The following SCIN variants were observed in gnomAD, a reference collection of about 807,000 sequenced individuals.
The protein encoded by SCIN is adseverin.
Under a neutral mutation model 91.8 loss-of-function variants are expected in SCIN, and 91 were observed. That is an observed-to-expected ratio of 0.99 (90% CI 0.84 to 1.18). The LOEUF is 1.18. Ranked by LOEUF, SCIN falls within the 50% of genes most tolerant of loss-of-function variation. The pLI is 0.00. For missense variants in SCIN, 1,087 were observed against 863.9 expected, an observed-to-expected ratio of 1.26 and a Z score of -3.24; for synonymous variants, 367 against 312.6, an observed-to-expected ratio of 1.17 and a Z score of -1.84.
At chr7:12,618,142 C>A (rs1374296974) in intron 4 of SCIN, among the ~76,000 whole-genome samples, 1 of 152,098 alleles carries the variant, frequency 6.6e-6, no homozygotes, top group Non-Finnish European at 1.5e-5. Flanking sequence ...CTGTGTCTGG[C>A]ATCCTCAAGA....
intron 3 of SCIN, among the ~76,000 whole-genome samples, chr7:12,594,407 C>T (rs989433669): frequency 8.6e-5 from 13 of 151,942 alleles, no homozygotes; most frequent in African/African-American, 1.5e-4. Flanking sequence ...AGGGTGGTTA[C>T]GGAGAATGAA....
intron 4 of SCIN, among the ~76,000 whole-genome samples, chr7:12,612,589 T>C (rs973150705): frequency 6.6e-6 from 1 of 152,184 alleles, no homozygotes; most frequent in Non-Finnish European, 1.5e-5. Flanking sequence ...CGACGCTCTC[T>C]AGAACACTAG....
In SCIN at chr7:12,599,812, ATCT is replaced by A. The variant is rs754427965; in HGVS notation, c.517-4695_517-4693del. ...TTTCATGTTTGTTGGCCATTTATGT[ATCT>A]TCTTCTCAGAACTGTCTGTTCATGT... On this transcript the variant is annotated intron_variant, in intron 3 of 15. Coordinates refer to ENST00000297029, the MANE Select transcript of SCIN (RefSeq NM_001112706.3). 4.6e-5 allele frequency among the ~76,000 whole-genome samples: 7 copies of A among 152,138 alleles called. No individual in the cohort carries two copies. In the East Asian group the frequency reaches 5.8e-4, roughly 13 times the overall value.
chr7:12,620,650 T>C (rs1049773073), intron 4 of SCIN, among the ~76,000 whole-genome samples: 3 of 152,038 alleles, frequency 2.0e-5, no homozygotes, highest in Non-Finnish European at 4.4e-5. Flanking sequence ...TAATAATGAC[T>C]AAGTGGGTAG....
intron 2 of SCIN, among the ~76,000 whole-genome samples, chr7:12,579,737 G>A (rs116647401): frequency 0.047 from 7,098 of 152,236 alleles, 192 homozygotes; most frequent in South Asian, 0.051. Context: ...CCAATATGGT[G>A]AAACTCCCTC....
At chr7:12,603,320 A>G (rs1305661977) in intron 3 of SCIN, among the ~76,000 whole-genome samples, 3 of 151,806 alleles carry the variant, frequency 2.0e-5, no homozygotes, top group African/African-American at 7.3e-5. Context: ...AATTTTTTAT[A>G]TTTTTAGTAG....
chr7:12,615,149 G>T (rs28617245), intron 4 of SCIN, among the ~76,000 whole-genome samples: 1,663 of 152,224 alleles, frequency 0.011, 35 homozygotes, highest in African/African-American at 0.037. Context: ...AACTTTGCCA[G>T]AAATGTTTGA....
At position 12,591,102 on chromosome 7, in the gene SCIN, C is replaced by T. The variant is rs563442792; in HGVS notation, c.516+9881C>T. Reference sequence around the variant, plus strand: ...TGATCATCGGGGTTGGTGAGAGGCTCGGAGGAAATGTTTGGGAAATGTGGC... The same window carrying T: ...TGATCATCGGGGTTGGTGAGAGGCTTGGAGGAAATGTTTGGGAAATGTGGC... On this transcript the variant is annotated intron_variant, in intron 3 of 15. Coordinates refer to ENST00000297029, the MANE Select transcript of SCIN (RefSeq NM_001112706.3). Among the ~76,000 whole-genome samples the T allele has an allele frequency of 4.6e-5, 7 of 151,906 alleles. No individual in the cohort carries two copies. In the East Asian group the frequency reaches 5.8e-4, roughly 13 times the overall value.
intron 5 of SCIN, among the ~76,000 whole-genome samples, chr7:12,623,280 G>GCCA (rs1783447675): frequency 6.6e-6 from 1 of 151,938 alleles, no homozygotes; most frequent in Non-Finnish European, 1.5e-5. Context: ...TTAAAACATT[G>GCCA]TCTTTAGCCA....
chr7:12,633,244 T>A (rs550585395), intron 9 of SCIN, among the ~76,000 whole-genome samples: 30 of 152,200 alleles, frequency 2.0e-4, no homozygotes, highest in Non-Finnish European at 3.7e-4. Context: ...TCAGCAATGA[T>A]ATTTTATCTG....
intron 2 of SCIN, 66 bp from the exon 3 acceptor site, chr7:12,580,994 G>A (rs994332552): frequency 4.7e-6 from 7 of 1,498,622 alleles, no homozygotes; most frequent in Non-Finnish European, 6.3e-6. Flanking sequence ...GCTTTGCTTT[G>A]TCTAGGCAGA....
At position 12,657,277 on chromosome 7, in the gene SCIN, A is replaced by AGCGATCTCTGCTCACT. The variant is rs1476632204; in HGVS notation, c.*4565_*4580dup. On this transcript the variant is annotated 3_prime_UTR_variant, in exon 16 of 16. Transcript: ENST00000297029. ...TCTGTTGCCCAGGCTGGAGTACAGT[A>AGCGATCTCTGCTCACT]GCGATCTCTGCTCACTGCAATCTCT... 1.5e-5 allele frequency: 2 copies of AGCGATCTCTGCTCACT among 129,178 alleles called. No individual in the cohort carries two copies. Among genetic ancestry groups the AGCGATCTCTGCTCACT allele is most frequent in the Non-Finnish European group, 3.1e-5 (2 of 64,544 alleles). The allele number at this position is 129,178 out of a possible 1,614,324, so 8.0% of individuals were successfully genotyped here.
At chr7:12,582,803 T>G (rs966511489) in intron 3 of SCIN, among the ~76,000 whole-genome samples, 18 of 152,192 alleles carry the variant, frequency 1.2e-4, no homozygotes, top group Non-Finnish European at 8.8e-5. Context: ...CACATAAATG[T>G]CTACAGCCAC....
intron 1 of SCIN, among the ~76,000 whole-genome samples, chr7:12,576,309 G>A (rs1173498151): frequency 1.3e-5 from 2 of 151,936 alleles, no homozygotes; most frequent in Admixed American, 6.6e-5. Context: ...TGACCACAGC[G>A]AGTTCACAAA....
intron 1 of SCIN, among the ~76,000 whole-genome samples, chr7:12,572,636 TAAC>T (rs894988711): frequency 1.3e-5 from 2 of 152,250 alleles, no homozygotes; most frequent in African/African-American, 4.8e-5. Flanking sequence ...GTTGTCCTCT[TAAC>T]TACTATATTT....
rs576810043 is a variant in SCIN at position 12,630,781 on chromosome 7, C to G, written c.1319+1559C>G. Reference sequence around the variant, plus strand: ...TAACTCAAAGTCACAGCTGTTGTAACTGGTAAAGCAACATTTTAAATCTTA... The same window carrying G: ...TAACTCAAAGTCACAGCTGTTGTAAGTGGTAAAGCAACATTTTAAATCTTA... On this transcript the variant is annotated intron_variant, in intron 9 of 15. Coordinates refer to ENST00000297029, the MANE Select transcript of SCIN (RefSeq NM_001112706.3). Among the ~76,000 whole-genome samples, 8 of 152,288 alleles carry G rather than the reference C, an allele frequency of 5.3e-5. 1 individual carries two copies. The highest frequency in any genetic ancestry group is 1.7e-4 in the African/African-American group (7 of 41,564).
At chr7:12,594,554 G>A (rs1413447606) in intron 3 of SCIN, among the ~76,000 whole-genome samples, 1 of 152,188 alleles carries the variant, frequency 6.6e-6, no homozygotes, top group Non-Finnish European at 1.5e-5. Flanking sequence ...TTGAGGCCAT[G>A]CAGTATTGCA....
chr7:12,594,870 T>C (rs1336030829), intron 3 of SCIN, among the ~76,000 whole-genome samples: 1 of 151,140 alleles, frequency 6.6e-6, no homozygotes, highest in Admixed American at 6.6e-5. Flanking sequence ...CTTTTGGGAG[T>C]GAAGAGATGG....
chr7:12,626,758 G>T lies in SCIN; in HGVS notation c.1156G>T (p.Ala386Ser). 1 of 1,610,700 alleles carries T rather than the reference G, an allele frequency of 6.2e-7. No homozygotes were observed. The highest frequency in any genetic ancestry group is 2.2e-5 in the East Asian group (1 of 44,754). The change falls in exon 8 of 16, where the codon GCC becomes TCC. Residue 386 changes from alanine to serine, a missense_variant. Coordinates refer to ENST00000297029, the MANE Select transcript of SCIN (RefSeq NM_001112706.3). ...ATTACACAGTTCTCCGCAGATGGCA[G>T]CCCAGCACAATATGGTGGATGATGG... Reference protein sequence around the residue: ...SKLHSSPQMAAQHNMVDDGSG... With the variant: ...SKLHSSPQMASQHNMVDDGSG...
Sources: gnomAD v4.1 joint callset for allele counts (sites outside exome capture counted in the v4.1 genomes callset) on GRCh38, gnomAD v4.1.1 for gene constraint, MANE v1.5 for transcripts, NCBI Gene and HGNC (gene_info 2026-07-23, HGNC 2026-07-21) for gene names.